The following ZNF69 variants were observed in gnomAD, a reference collection of about 807,000 sequenced individuals.
ZNF69 encodes the protein ZNF3.
ZNF69 carries 47 observed loss-of-function variants against 50.9 expected under a neutral mutation model. The observed-to-expected ratio is 0.92, with a 90% CI of 0.73 to 1.18. The LOEUF (loss-of-function observed/expected upper bound fraction) is 1.18. Among genes scored for constraint, ZNF69 ranks in the 50% most tolerant of loss-of-function variants. The pLI is 0.00. For missense variants in ZNF69, 717 were observed against 675.1 expected, an observed-to-expected ratio of 1.06 and a Z score of -0.69; for synonymous variants, 216 against 223.1, an observed-to-expected ratio of 0.97 and a Z score of 0.29.
chr19:11,937,193 A>G, the ZNF69 span, among the ~76,000 whole-genome samples: 1 of 152,206 alleles, frequency 6.6e-6, no homozygotes, highest in Non-Finnish European at 1.5e-5. Context: ...GTTACGTTCT[A>G]GAAGTTGTGA....
In ZNF69 at chr19:11,901,978, C is replaced by CTTTTTTT. The variant is rs58505422; in HGVS notation, c.64-1581_64-1575dup. On this transcript the variant is annotated intron_variant, in intron 1 of 3. Coordinates refer to ENST00000429654, the MANE Select transcript of ZNF69 (RefSeq NM_001364730.1). ...GTAGTATAGGCCAAGATGTTATTTT[C>CTTTTTTT]TTTTTTTTTTTTTTTTTTTTGAATC... 1.3e-4 allele frequency among the ~76,000 whole-genome samples: 16 copies of CTTTTTTT among 119,114 alleles called. 1 individual carries two copies. Among genetic ancestry groups the CTTTTTTT allele is most frequent in the Non-Finnish European group, 1.7e-4 (10 of 57,448 alleles). The allele number at this position is 119,114 out of a possible 152,430, so 78.1% of individuals were successfully genotyped here.
At chr19:11,974,214 T>C in the ZNF69 span, among the ~76,000 whole-genome samples, 1 of 149,998 alleles carries the variant, frequency 6.7e-6, no homozygotes, top group Non-Finnish European at 1.5e-5. Flanking sequence ...TTTTGTTTTT[T>C]GTTTTGTGTC....
intron 1 of ZNF69, among the ~76,000 whole-genome samples, chr19:11,888,350 A>G (rs1976998536): frequency 6.6e-6 from 1 of 152,190 alleles, no homozygotes; most frequent in Non-Finnish European, 1.5e-5. Flanking sequence ...TGGGGCCCCC[A>G]GTGTCCACTT....
chr19:11,939,992 C>T, the ZNF69 span: 1 of 150,196 alleles, frequency 6.7e-6, no homozygotes, highest in East Asian at 2.0e-4. Flanking sequence ...AGTTCAGTGG[C>T]ACAACCTCGG....
chr19:11,917,280 G>T (rs1972530452), downstream of ZNF69, among the ~76,000 whole-genome samples: 1 of 152,342 alleles, frequency 6.6e-6, no homozygotes, highest in African/African-American at 2.4e-5. Context: ...GCATAGGTCA[G>T]AACCTTCCAC....
chr19:11,915,812 G>A (rs1429089207), downstream of ZNF69, among the ~76,000 whole-genome samples: 1 of 152,318 alleles, frequency 6.6e-6, no homozygotes, highest in East Asian at 1.9e-4. Flanking sequence ...GCTGAGGCAC[G>A]AGAGTAGCTT....
chr19:11,971,331 C>G, the ZNF69 span, among the ~76,000 whole-genome samples: 3 of 152,178 alleles, frequency 2.0e-5, no homozygotes, highest in Non-Finnish European at 4.4e-5. Flanking sequence ...ATTCGGAAAG[C>G]ATCTACCTTT....
At chr19:11,931,673 A>G in the ZNF69 span, among the ~76,000 whole-genome samples, 2 of 148,598 alleles carry the variant, frequency 1.3e-5, 1 homozygote, top group African/African-American at 5.2e-5. Context: ...CAGAGAGGTT[A>G]CATCATAGTG....
downstream of ZNF69, among the ~76,000 whole-genome samples, chr19:11,908,103 A>G (rs1413067814): frequency 6.6e-6 from 1 of 152,260 alleles, no homozygotes; most frequent in African/African-American, 2.4e-5. Context: ...AAAGGGATCA[A>G]TTCAACAAGA....
the ZNF69 span, among the ~76,000 whole-genome samples, chr19:11,972,779 C>T: frequency 5.3e-5 from 8 of 152,108 alleles, no homozygotes; most frequent in Non-Finnish European, 1.2e-4. Context: ...CTTCCAAGCT[C>T]ATAATTCCCC....
chr19:11,978,124 T>C, the ZNF69 span: 10 of 1,612,434 alleles, frequency 6.2e-6, no homozygotes, highest in Admixed American at 1.5e-4. Flanking sequence ...AGGAGTCTCA[T>C]AGAAGGGAAT....
At chr19:11,965,268 G>T in the ZNF69 span, 1 of 1,611,660 alleles carries the variant, frequency 6.2e-7, no homozygotes, top group Non-Finnish European at 8.5e-7. Flanking sequence ...GGAACCGGCC[G>T]GAACCGGCTG....
chr19:11,969,970 C>T, the ZNF69 span, among the ~76,000 whole-genome samples: 15 of 152,150 alleles, frequency 9.9e-5, no homozygotes, highest in Non-Finnish European at 2.2e-4. Flanking sequence ...TCAAGATCCC[C>T]ACAACTGCCA....
the ZNF69 span, among the ~76,000 whole-genome samples, chr19:11,924,131 T>C: frequency 1.3e-5 from 2 of 152,018 alleles, no homozygotes; most frequent in African/African-American, 4.8e-5. Context: ...GAGTTATTTG[T>C]ATAGATAAAG....
At chr19:11,951,234 T>C in the ZNF69 span, among the ~76,000 whole-genome samples, 10 of 148,130 alleles carry the variant, frequency 6.8e-5, no homozygotes, top group African/African-American at 2.6e-4. Flanking sequence ...TTGCTGGTTT[T>C]TGTTTTTTTT....
intron 1 of ZNF69, among the ~76,000 whole-genome samples, chr19:11,903,253 G>A (rs887339251): frequency 2.0e-5 from 3 of 152,074 alleles, no homozygotes; most frequent in Non-Finnish European, 4.4e-5. Flanking sequence ...GAGAAACCCC[G>A]TCTCCACTAA....
chr19:11,969,852 A>C, the ZNF69 span, among the ~76,000 whole-genome samples: 2,875 of 152,162 alleles, frequency 0.019, 36 homozygotes, highest in African/African-American at 0.026. Flanking sequence ...CCTTATCAGG[A>C]TGTCTTTGGG....
chr19:11,967,329 C>T, the ZNF69 span, among the ~76,000 whole-genome samples: 1 of 152,084 alleles, frequency 6.6e-6, no homozygotes, highest in Non-Finnish European at 1.5e-5. Context: ...AGAGTGAGAC[C>T]CCATCTCAAA....
chr19:11,913,905 T>C (rs1424265144), exon 5 of ZNF69: 1 of 152,330 alleles, frequency 6.6e-6, no homozygotes, highest in African/African-American at 2.4e-5. Context: ...TGTTTATGAT[T>C]TGAAATATGT....
Sources: gnomAD v4.1 joint callset for allele counts (sites outside exome capture counted in the v4.1 genomes callset) on GRCh38, gnomAD v4.1.1 for gene constraint, MANE v1.5 for transcripts, NCBI Gene and HGNC (gene_info 2026-07-23, HGNC 2026-07-21) for gene names.